The following QTMAN variants were observed in gnomAD, a reference collection of about 807,000 sequenced individuals.
The protein encoded by QTMAN is tRNA-queuosine alpha-mannosyltransferase.
chr2:144,121,805 C>A, the QTMAN span, among the ~76,000 whole-genome samples: 6 of 152,080 alleles, frequency 3.9e-5, no homozygotes, highest in African/African-American at 9.7e-5. Context: ...AATACCCATG[C>A]CAAAGAGGCC....
chr2:144,189,578 G>A, the QTMAN span, among the ~76,000 whole-genome samples: 2 of 152,036 alleles, frequency 1.3e-5, no homozygotes, highest in Non-Finnish European at 2.9e-5. Context: ...GACATTATAA[G>A]TATGTTCTGT....
chr2:144,043,503 G>A, the QTMAN span, among the ~76,000 whole-genome samples: 337 of 151,954 alleles, frequency 2.2e-3, no homozygotes, highest in Non-Finnish European at 3.5e-3. Context: ...GCGTGGTGAC[G>A]GGTGCCTGTA....
the QTMAN span, among the ~76,000 whole-genome samples, chr2:143,978,030 A>G: frequency 3.3e-5 from 5 of 152,332 alleles, no homozygotes; most frequent in South Asian, 4.1e-4. Context: ...AAAGTTTTCA[A>G]TAATGTACTG....
At chr2:144,282,472 T>TA in the QTMAN span, among the ~76,000 whole-genome samples, 1 of 151,398 alleles carries the variant, frequency 6.6e-6, no homozygotes, top group African/African-American at 2.4e-5. Context: ...AGATATCATT[T>TA]ATATGGGCTT....
At chr2:143,975,788 C>T in the QTMAN span, among the ~76,000 whole-genome samples, 1 of 152,102 alleles carries the variant, frequency 6.6e-6, no homozygotes, top group Non-Finnish European at 1.5e-5. Context: ...AGGAGAGTTG[C>T]CCTGTAAAGC....
the QTMAN span, among the ~76,000 whole-genome samples, chr2:144,182,850 ATTTTATATATAAT>A: frequency 1.2e-3 from 71 of 61,072 alleles, 1 homozygote; most frequent in African/African-American, 4.3e-3. Flanking sequence ...TTATATATAT[ATTTTATATATAAT>A]ATATATATAT....
the QTMAN span, among the ~76,000 whole-genome samples, chr2:144,182,841 T>TATATGTATA: frequency 1.5e-5 from 1 of 66,140 alleles, no homozygotes; most frequent in African/African-American, 6.2e-5. Flanking sequence ...ATATATATAT[T>TATATGTATA]ATATATATAT....
At chr2:144,288,456 T>C in the QTMAN span, among the ~76,000 whole-genome samples, 1 of 152,172 alleles carries the variant, frequency 6.6e-6, no homozygotes, top group Non-Finnish European at 1.5e-5. Context: ...ATCTAATACG[T>C]TTTCAGAGCT....
the QTMAN span, among the ~76,000 whole-genome samples, chr2:144,173,108 G>A: frequency 6.6e-6 from 1 of 152,056 alleles, no homozygotes; most frequent in Non-Finnish European, 1.5e-5. Flanking sequence ...TTTCCTAAGA[G>A]AAATCTGTTG....
chr2:144,123,068 A>AAATT, the QTMAN span, among the ~76,000 whole-genome samples: 7,736 of 152,188 alleles, frequency 0.051, 631 homozygotes, highest in African/African-American at 0.18. Context: ...CACACCATAT[A>AAATT]ATTAGATTAC....
chr2:144,270,372 A>G, the QTMAN span, among the ~76,000 whole-genome samples: 1 of 152,326 alleles, frequency 6.6e-6, no homozygotes, highest in Admixed American at 6.5e-5. Context: ...TTATTGCAGC[A>G]TTATTTACAA....
the QTMAN span, among the ~76,000 whole-genome samples, chr2:144,164,912 A>T: frequency 6.6e-6 from 1 of 152,218 alleles, no homozygotes; most frequent in African/African-American, 2.4e-5. Context: ...ACCCAATTCT[A>T]AGAATCCAAA....
the QTMAN span, among the ~76,000 whole-genome samples, chr2:144,191,211 T>A: frequency 6.6e-6 from 1 of 152,168 alleles, no homozygotes; most frequent in Non-Finnish European, 1.5e-5. Flanking sequence ...ATATCTATCT[T>A]TTGCTGCTTG....
the QTMAN span, among the ~76,000 whole-genome samples, chr2:144,244,737 G>A: frequency 6.6e-6 from 1 of 151,886 alleles, no homozygotes; most frequent in African/African-American, 2.4e-5. Flanking sequence ...GACAATGCAC[G>A]GTGTTCAGTT....
At chr2:143,995,293 G>C in the QTMAN span, among the ~76,000 whole-genome samples, 1 of 152,200 alleles carries the variant, frequency 6.6e-6, no homozygotes, top group Non-Finnish European at 1.5e-5. Flanking sequence ...GATGAAAAAA[G>C]ATGACTTTAT....
chr2:144,087,088 G>A, the QTMAN span, among the ~76,000 whole-genome samples: 4 of 152,046 alleles, frequency 2.6e-5, no homozygotes, highest in Admixed American at 1.3e-4. Context: ...AAATTTTACT[G>A]AGTATGAGTA....
At chr2:144,054,832 G>A in the QTMAN span, among the ~76,000 whole-genome samples, 1 of 152,216 alleles carries the variant, frequency 6.6e-6, no homozygotes, top group South Asian at 2.1e-4. Flanking sequence ...CCCCTTCCTT[G>A]CTTGGCTTTT....
At chr2:144,255,817 A>G in the QTMAN span, among the ~76,000 whole-genome samples, 1 of 152,254 alleles carries the variant, frequency 6.6e-6, no homozygotes, top group Non-Finnish European at 1.5e-5. Context: ...TAGAAGGTGT[A>G]ACACAAAGAG....
chr2:143,993,948 G>A, the QTMAN span, among the ~76,000 whole-genome samples: 1 of 152,128 alleles, frequency 6.6e-6, no homozygotes, highest in Non-Finnish European at 1.5e-5. Context: ...AAATGGCAAG[G>A]ACACTGGAAG....
Sources: allele counts gnomAD v4.1 joint callset (sites outside exome capture counted in the v4.1 genomes callset), GRCh38; gene constraint gnomAD v4.1.1; transcripts MANE v1.5; gene names NCBI Gene and HGNC (gene_info 2026-07-23, HGNC 2026-07-21).